BTBD9: variants seen among roughly 807,000 people sequenced by gnomAD.
The protein encoded by BTBD9 is BTB domain containing 9.
BTBD9 carries 49 observed loss-of-function variants against 64.3 expected under a neutral mutation model. That is an observed-to-expected ratio of 0.76 (90% confidence interval 0.61 to 0.97). BTBD9 has a LOEUF of 0.97. Among genes scored for constraint, BTBD9 ranks in the 50% least tolerant of loss-of-function variants. The pLI, the probability that BTBD9 is intolerant of heterozygous loss-of-function variation, is 0.00. For synonymous variants in BTBD9, 260 were observed against 274.7 expected (o/e 0.95, Z 0.53); for missense variants, 598 against 762.1 (o/e 0.78, Z 2.53).
chr6:38,506,035 T>A (rs1772493277), intron 6 of BTBD9, among the ~76,000 whole-genome samples: 1 of 149,062 alleles, frequency 6.7e-6, no homozygotes, highest in African/African-American at 2.5e-5. Flanking sequence ...GCTGCAACTC[T>A]GGGTCCCTCT....
At chr6:38,177,273 G>A (rs75173496) in intron 10 of BTBD9, among the ~76,000 whole-genome samples, 1 of 152,164 alleles carries the variant, frequency 6.6e-6, no homozygotes, top group Admixed American at 6.5e-5. Context: ...CTCTGGTATT[G>A]AATGGTTTTT....
chr6:38,625,329 T>C (rs1399924639), intron 1 of BTBD9, among the ~76,000 whole-genome samples: 2 of 152,204 alleles, frequency 1.3e-5, no homozygotes, highest in Non-Finnish European at 2.9e-5. Flanking sequence ...ACTTCCTAAA[T>C]TAATAAAAAT....
At chr6:38,474,966 A>G (rs1011407521) in intron 6 of BTBD9, among the ~76,000 whole-genome samples, 7 of 152,208 alleles carry the variant, frequency 4.6e-5, no homozygotes, top group Non-Finnish European at 1.0e-4. Context: ...TTACAACAGC[A>G]AAACAGAAAC....
chr6:38,486,011 C>T (rs1181323226), intron 6 of BTBD9, among the ~76,000 whole-genome samples: 1 of 152,190 alleles, frequency 6.6e-6, no homozygotes, highest in Non-Finnish European at 1.5e-5. Flanking sequence ...GCAGCTGCTG[C>T]TTCTTCTTGC....
chr6:38,332,376 TTGTTA>T (rs768329417), intron 7 of BTBD9, among the ~76,000 whole-genome samples: 79 of 152,344 alleles, frequency 5.2e-4, no homozygotes, highest in Admixed American at 1.7e-3. Flanking sequence ...CTGTTTGCAA[TTGTTA>T]ACTGTCTCAC....
intron 9 of BTBD9, among the ~76,000 whole-genome samples, chr6:38,227,081 G>A (rs1763420760): frequency 6.6e-6 from 1 of 152,232 alleles, no homozygotes; most frequent in African/African-American, 2.4e-5. Flanking sequence ...GTCCTGGAGA[G>A]GCTTGCTCAC....
At chr6:38,512,070 T>C (rs776483936) in intron 6 of BTBD9, among the ~76,000 whole-genome samples, 8 of 152,026 alleles carry the variant, frequency 5.3e-5, no homozygotes, top group Non-Finnish European at 1.0e-4. Flanking sequence ...GCCTCCCGGG[T>C]TCAAGTGATT....
chr6:38,554,822 G>T (rs1774947485), intron 6 of BTBD9, among the ~76,000 whole-genome samples: 1 of 152,224 alleles, frequency 6.6e-6, no homozygotes, highest in Non-Finnish European at 1.5e-5. Context: ...GCAGCCAGCA[G>T]GGTATATGAA....
At chr6:38,559,209 T>C (rs147860532) in intron 6 of BTBD9, among the ~76,000 whole-genome samples, 246 of 152,288 alleles carry the variant, frequency 1.6e-3, no homozygotes, top group African/African-American at 5.7e-3. Flanking sequence ...TGCACACAGG[T>C]GTTTTCATAA....
At chr6:38,312,092 T>C (rs111335423) in intron 7 of BTBD9, among the ~76,000 whole-genome samples, 4,617 of 151,998 alleles carry the variant, frequency 0.03, 220 homozygotes, top group African/African-American at 0.11. Flanking sequence ...AACTCCTGAC[T>C]TCAGGTGATC....
chr6:38,271,506 G>A (rs1765193816), intron 8 of BTBD9, among the ~76,000 whole-genome samples: 1 of 152,126 alleles, frequency 6.6e-6, no homozygotes, highest in Non-Finnish European at 1.5e-5. Flanking sequence ...GAACTGAATG[G>A]ATTAGGCATT....
intron 7 of BTBD9, among the ~76,000 whole-genome samples, chr6:38,304,556 C>CA (rs1157109972): frequency 0.022 from 3,055 of 141,488 alleles, 52 homozygotes; most frequent in Non-Finnish European, 0.033. Flanking sequence ...AAAAAACAAA[C>CA]AAAAAAAAAA....
intron 7 of BTBD9, among the ~76,000 whole-genome samples, chr6:38,329,555 T>C (rs1763593362): frequency 6.6e-6 from 1 of 151,930 alleles, no homozygotes; most frequent in African/African-American, 2.4e-5. Context: ...ACTCCTGACC[T>C]CAAGTGATCT....
chr6:38,556,544 TGTGTGTGAGAGAGAGA>T (rs1401001881), intron 6 of BTBD9, among the ~76,000 whole-genome samples: 1 of 63,194 alleles, frequency 1.6e-5, no homozygotes, highest in African/African-American at 8.2e-5. Context: ...TGTGTGTGTG[TGTGTGTGAGAGAGAGA>T]GAGAGAGAGA....
At chr6:38,465,886 C>T (rs1354161135) in intron 6 of BTBD9, among the ~76,000 whole-genome samples, 3 of 135,000 alleles carry the variant, frequency 2.2e-5, no homozygotes, top group African/African-American at 5.6e-5. Context: ...GCCAGAGTGC[C>T]GTGGTATGAT....
At chr6:38,387,719 AT>A (rs1243032597) in intron 6 of BTBD9, among the ~76,000 whole-genome samples, 1 of 152,192 alleles carries the variant, frequency 6.6e-6, no homozygotes, top group Non-Finnish European at 1.5e-5. Context: ...CTAAAAGTAT[AT>A]AATTCATTTT....
intron 6 of BTBD9, among the ~76,000 whole-genome samples, chr6:38,462,116 C>T (rs1007972560): frequency 6.6e-6 from 1 of 152,096 alleles, no homozygotes; most frequent in African/African-American, 2.4e-5. Flanking sequence ...CTTATCTTTT[C>T]ATATTCTTAA....
intron 6 of BTBD9, among the ~76,000 whole-genome samples, chr6:38,518,101 A>T (rs181050612): frequency 6.6e-6 from 1 of 152,346 alleles, no homozygotes; most frequent in African/African-American, 2.4e-5. Context: ...TACAGTAGCA[A>T]ATGTCACTAA....
intron 9 of BTBD9, among the ~76,000 whole-genome samples, chr6:38,229,413 T>A (rs1452791172): frequency 6.6e-6 from 1 of 152,198 alleles, no homozygotes; most frequent in Non-Finnish European, 1.5e-5. Context: ...ATAATTATCA[T>A]GACCCTACAG....
Sources: gnomAD v4.1 joint callset for allele counts (sites outside exome capture counted in the v4.1 genomes callset) on GRCh38, gnomAD v4.1.1 for gene constraint, MANE v1.5 for transcripts, NCBI Gene and HGNC (gene_info 2026-07-23, HGNC 2026-07-21) for gene names.